EXPH5: variants seen among roughly 807,000 people sequenced by gnomAD.
EXPH5 encodes the protein exophilin 5, also known as exophilin-5.
Under a neutral mutation model 41.1 loss-of-function variants are expected in EXPH5, and 42 were observed. That is an observed-to-expected ratio of 1.02 (90% CI 0.80 to 1.32). EXPH5 has a LOEUF of 1.32. EXPH5 is among the 40% of genes most tolerant of loss of function. The pLI is 0.00. For synonymous variants in EXPH5, 798 were observed against 833.5 expected (o/e 0.96, Z 0.73); for missense variants, 2,298 against 2,314.5 (o/e 0.99, Z 0.15).
At position 108,593,551 on chromosome 11, in the gene EXPH5, G is replaced by A; in HGVS notation, c.-15C>T. 1 of 1,614,130 alleles carries A rather than the reference G, an allele frequency of 6.2e-7. No homozygotes were observed. Among genetic ancestry groups the A allele is most frequent in the Non-Finnish European group, 8.5e-7 (1 of 1,180,000 alleles). On this transcript the variant is annotated 5_prime_UTR_variant, in exon 1 of 6. Coordinates refer to ENST00000265843, the MANE Select transcript of EXPH5 (RefSeq NM_015065.3). Reference sequence around the variant, plus strand: ...ACTTTCGTCATTTTCTTTACTGTGTGTGAGTTACACTTAAGCTCCTTGGCG... The same window carrying A: ...ACTTTCGTCATTTTCTTTACTGTGTATGAGTTACACTTAAGCTCCTTGGCG...
At chr11:108,519,843 G>T (rs976949463) in intron 4 of EXPH5, among the ~76,000 whole-genome samples, 1 of 151,402 alleles carries the variant, frequency 6.6e-6, no homozygotes, top group Non-Finnish European at 1.5e-5. Context: ...CCAGCTACCT[G>T]GGAGGGCTGA....
chr11:108,525,338 G>T (rs141030250), intron 4 of EXPH5, among the ~76,000 whole-genome samples: 1 of 152,266 alleles, frequency 6.6e-6, no homozygotes, highest in East Asian at 1.9e-4. Flanking sequence ...TGTTCCTAAG[G>T]GTACAGAGCT....
intron 1 of EXPH5, chr11:108,568,117 G>A (rs1020010617): frequency 1.4e-5 from 2 of 141,098 alleles, no homozygotes; most frequent in Admixed American, 1.5e-4. Context: ...GTGAAAGCCA[G>A]CTTGTTACTG....
Position 108,515,324 on chromosome 11 carries a change from T to C in EXPH5, c.632-449A>G, listed in dbSNP as rs140212576. 3.3e-3 allele frequency among the ~76,000 whole-genome samples: 502 copies of C among 152,310 alleles called. 2 individuals are homozygous for C. Among genetic ancestry groups the C allele is most frequent in the African/African-American group, 0.011 (473 of 41,574 alleles). On this transcript the variant is annotated intron_variant, in intron 5 of 5. Transcript: ENST00000265843. ...TCATGTCACTAGGTTGCTACAATAATTCCAGCTGTGTATACCTCCTGGGAT... is the reference window on the plus strand; with the variant it reads ...TCATGTCACTAGGTTGCTACAATAACTCCAGCTGTGTATACCTCCTGGGAT...
chr11:108,558,621 T>C (rs1828474492), intron 1 of EXPH5, among the ~76,000 whole-genome samples: 1 of 152,204 alleles, frequency 6.6e-6, no homozygotes, highest in Non-Finnish European at 1.5e-5. Flanking sequence ...CCTGTCTGGA[T>C]CCATTACATG....
At chr11:108,571,244 T>C (rs2136099977) in intron 1 of EXPH5, among the ~76,000 whole-genome samples, 1 of 152,278 alleles carries the variant, frequency 6.6e-6, no homozygotes, top group East Asian at 1.9e-4. Flanking sequence ...TACACAACCG[T>C]GGATAGACAT....
chr11:108,532,367 T>TATATATATACATA (rs61454000), intron 3 of EXPH5, among the ~76,000 whole-genome samples: 1 of 20,370 alleles, frequency 4.9e-5, no homozygotes, highest in African/African-American at 3.1e-4. Flanking sequence ...TATATATATA[T>TATATATATACATA]TTTTTTTTTT....
chr11:108,586,066 G>A (rs1195967283), intron 1 of EXPH5, among the ~76,000 whole-genome samples: 1 of 152,172 alleles, frequency 6.6e-6, no homozygotes, highest in Non-Finnish European at 1.5e-5. Context: ...AGCTTCCTGA[G>A]TAGCTGGGAC....
At chr11:108,606,300 C>A in the EXPH5 span, among the ~76,000 whole-genome samples, 1 of 152,164 alleles carries the variant, frequency 6.6e-6, no homozygotes, top group Non-Finnish European at 1.5e-5. Flanking sequence ...CATGCCTGCC[C>A]AGACAGCTGG....
intron 1 of EXPH5, among the ~76,000 whole-genome samples, chr11:108,550,615 CTAAAAATA>C (rs1275830839): frequency 6.6e-6 from 1 of 151,918 alleles, no homozygotes; most frequent in Non-Finnish European, 1.5e-5. Flanking sequence ...GCTGTCTCTA[CTAAAAATA>C]TAAAAATTAG....
Position 108,593,456 on chromosome 11 carries a change from C to A in EXPH5, c.81G>T (p.Arg27Ser), listed in dbSNP as rs1282829263. ...EARKILQVLE[R>S]NEELQRAEKD... ...TCTCGGCCCTCTGTAACTCCTCATT[C>A]CTTTCCAGCACCTGAAGGATCTTCC... Residue 27 changes from arginine (R) to serine (S), a missense_variant, in exon 1 of 6, where the codon AGG becomes AGT. Physicochemically the swap from Arg to Ser is moderately radical, Grantham distance 110. Coordinates refer to ENST00000265843, the MANE Select transcript of EXPH5 (RefSeq NM_015065.3). 6.2e-7 allele frequency: 1 copy of A among 1,614,214 alleles called. No homozygotes were observed. The highest frequency in any genetic ancestry group is 1.1e-5 in the South Asian group (1 of 91,082).
At chr11:108,599,452 T>A in the EXPH5 span, among the ~76,000 whole-genome samples, 1,859 of 152,268 alleles carry the variant, frequency 0.012, 39 homozygotes, top group African/African-American at 0.04. Context: ...GTAATCACAG[T>A]GTGCATATTT....
chr11:108,581,501 A>G (rs1425181407), intron 1 of EXPH5, among the ~76,000 whole-genome samples: 1 of 152,104 alleles, frequency 6.6e-6, no homozygotes, highest in African/African-American at 2.4e-5. Flanking sequence ...TACAATTATT[A>G]TTTGCTAATT....
At chr11:108,551,068 T>G (rs1302542351) in intron 1 of EXPH5, among the ~76,000 whole-genome samples, 1 of 152,210 alleles carries the variant, frequency 6.6e-6, no homozygotes, top group African/African-American at 2.4e-5. Context: ...TCTTGCCATC[T>G]GCCGGATTTT....
rs553059937 is a variant in EXPH5, at chr11:108,510,476, T to A, written c.5031A>T (p.Val1677=). ...GTGTAGAAGGTTCTCTGTTGGGTAGTACAGTAATGGGGAGAAGGTTCTCGG... is the reference window on the plus strand; with the variant it reads ...GTGTAGAAGGTTCTCTGTTGGGTAGAACAGTAATGGGGAGAAGGTTCTCGG... ...KKSENLLPIT[V]LPNREPSTHV... is the part of the protein sequence containing the mutation. Residue 1677 remains valine, a synonymous_variant, in exon 6 of 6, where the codon GTA becomes GTT. Coordinates refer to ENST00000265843, the MANE Select transcript of EXPH5 (RefSeq NM_015065.3). The A allele has an allele frequency of 5.0e-6, 8 of 1,614,186 alleles. No individual in the cohort carries two copies. The highest frequency in any genetic ancestry group is 2.7e-5 in the African/African-American group (2 of 75,036).
intron 1 of EXPH5, among the ~76,000 whole-genome samples, chr11:108,583,676 AAAATAAAAAT>A (rs1333776090): frequency 6.6e-6 from 1 of 151,764 alleles, no homozygotes; most frequent in Non-Finnish European, 1.5e-5. Flanking sequence ...AATTAACAAA[AAAATAAAAAT>A]AAAAAAGTCA....
Position 108,509,462 on chromosome 11 carries a change from T to G in EXPH5, c.*75A>C. 7.3e-7 allele frequency: 1 copy of G among 1,364,240 alleles called. No homozygotes were observed. The highest frequency in any genetic ancestry group is 9.9e-7 in the Non-Finnish European group (1 of 1,008,398). 84.5% of individuals were successfully genotyped at this position (1,364,240 alleles called of 1,614,324 possible). A position where few individuals can be genotyped will look rare whatever the true frequency, so the allele number is the denominator to read the frequency against. ...CCAGACTAGATCTTTTATCCTTCCA[T>G]GCACATGCACATGTACACCTTAGTT... On this transcript the variant is annotated 3_prime_UTR_variant, in exon 6 of 6. Coordinates refer to ENST00000265843, the MANE Select transcript of EXPH5 (RefSeq NM_015065.3).
intron 1 of EXPH5, among the ~76,000 whole-genome samples, chr11:108,577,429 G>GT (rs1555199398): frequency 3.1e-4 from 47 of 150,466 alleles, no homozygotes; most frequent in African/African-American, 9.8e-5. Flanking sequence ...TTTATTTTTT[G>GT]TTTTTTTTGG....
In EXPH5 at chr11:108,513,573, T is replaced by C. The variant is rs2093699489; in HGVS notation, c.1934A>G (p.Asn645Ser). The change falls in exon 6 of 6, where the codon AAC (asparagine) becomes AGC (serine). Residue 645 changes from asparagine (N) to serine (S), a missense_variant. Physicochemically the swap from Asn to Ser is conservative, Grantham distance 46. Coordinates refer to ENST00000265843, the MANE Select transcript of EXPH5 (RefSeq NM_015065.3). ...SDDRRNPQSP[N>S]LQNPTVTLQK... The stretch of plus-strand genomic sequence containing the variant: ...CAAAGTGACTGTGGGATTCTGCAAG[T>C]TGGGACTCTGAGGATTCCTTCTGTC... 3.1e-6 allele frequency: 5 copies of C among 1,614,164 alleles called. No individual in the cohort carries two copies. Among genetic ancestry groups the C allele is most frequent in the Non-Finnish European group, 4.2e-6 (5 of 1,180,026 alleles).
Sources: allele counts gnomAD v4.1 joint callset (sites outside exome capture counted in the v4.1 genomes callset), GRCh38; gene constraint gnomAD v4.1.1; transcripts MANE v1.5; gene names NCBI Gene and HGNC (gene_info 2026-07-23, HGNC 2026-07-21).